Variants in MITF observed in about 807,000 individuals in gnomAD.
MITF encodes the protein melanocyte inducing transcription factor.
MITF carries 17 observed loss-of-function variants against 60.5 expected under a neutral mutation model. The observed-to-expected ratio is 0.28, with a 90% CI of 0.19 to 0.42. The LOEUF (loss-of-function observed/expected upper bound fraction) is 0.42, where lower values mean the gene tolerates loss of function less well. Among genes scored for constraint, MITF ranks in the 10% least tolerant of loss-of-function variants. The pLI, the probability that MITF is intolerant of heterozygous loss-of-function variation, is 1.00. For synonymous variants in MITF, 260 were observed against 248.5 expected (o/e 1.05, Z -0.43); for missense variants, 622 against 683.5 (o/e 0.91, Z 1.00).
At chr3:69,919,235 A>G (rs182391892) in intron 2 of MITF, among the ~76,000 whole-genome samples, 1 of 152,354 alleles carries the variant, frequency 6.6e-6, no homozygotes, top group Admixed American at 6.5e-5. Context: ...CCATTTTGCT[A>G]AAAGTAAGAG....
chr3:69,938,354 T>C, intron 3 of MITF: 2 of 1,571,828 alleles, frequency 1.3e-6, no homozygotes, highest in Non-Finnish European at 8.6e-7. Flanking sequence ...CCTTTCAGTT[T>C]ATGAAGCAGT....
intron 1 of MITF, among the ~76,000 whole-genome samples, chr3:69,860,529 C>T (rs1187175135): frequency 2.2e-5 from 3 of 138,374 alleles, no homozygotes; most frequent in Non-Finnish European, 3.0e-5. Context: ...ACCCGGAAGG[C>T]GGAGCTTGCA....
intron 1 of MITF, among the ~76,000 whole-genome samples, chr3:69,835,239 A>G (rs2063523170): frequency 6.6e-6 from 1 of 152,050 alleles, no homozygotes; most frequent in African/African-American, 2.4e-5. Flanking sequence ...ACTGGTCTCA[A>G]ACACCTGGGC....
chr3:69,789,810 C>T (rs890560293), intron 1 of MITF, among the ~76,000 whole-genome samples: 3 of 152,058 alleles, frequency 2.0e-5, no homozygotes, highest in African/African-American at 7.2e-5. Flanking sequence ...GAATGGAGAT[C>T]GCACCACTGC....
chr3:69,754,374 G>T (rs1041516335), intron 1 of MITF, among the ~76,000 whole-genome samples: 1 of 152,042 alleles, frequency 6.6e-6, no homozygotes, highest in Non-Finnish European at 1.5e-5. Flanking sequence ...ATACCAACAC[G>T]CCATGTTGGC....
chr3:69,855,117 T>A (rs1476827514), intron 1 of MITF, among the ~76,000 whole-genome samples: 1 of 151,908 alleles, frequency 6.6e-6, no homozygotes, highest in African/African-American at 2.4e-5. Flanking sequence ...GGACTACTTT[T>A]CTGCTCTCAT....
At chr3:69,741,522 G>C (rs1703528947) in intron 1 of MITF, among the ~76,000 whole-genome samples, 1 of 152,160 alleles carries the variant, frequency 6.6e-6, no homozygotes, top group Admixed American at 6.5e-5. Context: ...TTCTTTTTCA[G>C]AGTCAGCAAA....
intron 1 of MITF, among the ~76,000 whole-genome samples, chr3:69,852,708 A>G (rs970100232): frequency 5.3e-5 from 8 of 152,178 alleles, no homozygotes; most frequent in Admixed American, 5.2e-4. Context: ...AGGCATGCAC[A>G]TGTTCAGCTT....
chr3:69,885,901 A>T (rs9837171), intron 2 of MITF, among the ~76,000 whole-genome samples: 3,877 of 152,186 alleles, frequency 0.025, 150 homozygotes, highest in African/African-American at 0.086. Flanking sequence ...ATGATCAGCA[A>T]GTGCCAGCAT....
At chr3:69,957,127 C>A (rs1203419694) in intron 8 of MITF, among the ~76,000 whole-genome samples, 1 of 152,132 alleles carries the variant, frequency 6.6e-6, no homozygotes, top group Non-Finnish European at 1.5e-5. Context: ...CACCCTGTCC[C>A]CTTCAGAGAT....
intron 1 of MITF, chr3:69,866,208 C>T: frequency 2.5e-6 from 4 of 1,597,000 alleles, no homozygotes; most frequent in African/African-American, 1.4e-5. Context: ...CAGGAGCCAC[C>T]CCTAGTGACA....
rs1575796012 is a variant in MITF, at chr3:69,838,373, C to T, written c.105-40761C>T. Among the ~76,000 whole-genome samples the T allele has an allele frequency of 2.6e-5, 4 of 151,096 alleles. No homozygotes were observed. In the South Asian group the frequency reaches 8.4e-4, roughly 32 times the overall value. Reference sequence around the variant, plus strand: ...TTGCTAAAAAAAAAAAAAATAGAGGCACACAAAAATGTGATGAGTAAATGA... The same window carrying T: ...TTGCTAAAAAAAAAAAAAATAGAGGTACACAAAAATGTGATGAGTAAATGA... On this transcript the variant is annotated intron_variant, in intron 1 of 9. Coordinates refer to ENST00000352241, the MANE Select transcript of MITF (RefSeq NM_001354604.2).
Position 69,856,707 on chromosome 3 carries a change from A to G in MITF, c.105-22427A>G, listed in dbSNP as rs972002094. Among the ~76,000 whole-genome samples the G allele has an allele frequency of 5.9e-5, 9 of 152,204 alleles. No homozygotes were observed. In the South Asian group the frequency reaches 6.2e-4, roughly 11 times the overall value. ...CCCTAGAAAGCCTTTTTGAAAAATT[A>G]TTTCCTTTTTTGAGAACTTTCTTCT... is the stretch of plus-strand genomic sequence containing the variant. On this transcript the variant is annotated intron_variant, in intron 1 of 9. Transcript: ENST00000352241.
At chr3:69,933,907 G>T (rs1192858095) in intron 2 of MITF, among the ~76,000 whole-genome samples, 1 of 152,132 alleles carries the variant, frequency 6.6e-6, no homozygotes, top group East Asian at 1.9e-4. Flanking sequence ...TATGAATTAG[G>T]GTGGCTGAAG....
rs945830782 is a variant in MITF at position 69,875,942 on chromosome 3, G to A, written c.105-3192G>A. ...TTTGCACTTTTGGGTTTTTTTGCAG[G>A]AAGATTTATTAAAACACTGTCAATT... On this transcript the variant is annotated intron_variant, in intron 1 of 9. Coordinates refer to ENST00000352241, the MANE Select transcript of MITF (RefSeq NM_001354604.2). Among the ~76,000 whole-genome samples the A allele has an allele frequency of 3.9e-5, 6 of 152,282 alleles. No individual in the cohort carries two copies. The South Asian group carries it at 1.0e-3, about 26-fold the overall frequency.
At chr3:69,743,620 A>G (rs1703614086) in intron 1 of MITF, among the ~76,000 whole-genome samples, 1 of 152,176 alleles carries the variant, frequency 6.6e-6, no homozygotes, top group Admixed American at 6.5e-5. Flanking sequence ...TGCTGTGGGA[A>G]AAGGTTCCAA....
chr3:69,792,455 T>C (rs1391210956), intron 1 of MITF, among the ~76,000 whole-genome samples: 1 of 152,012 alleles, frequency 6.6e-6, no homozygotes, highest in African/African-American at 2.4e-5. Flanking sequence ...TATGATTTTT[T>C]TTTTAAATTC....
chr3:69,880,263 A>G (rs1400613671), intron 2 of MITF, among the ~76,000 whole-genome samples: 3 of 152,174 alleles, frequency 2.0e-5, no homozygotes, highest in Non-Finnish European at 4.4e-5. Context: ...GCATTCATCC[A>G]TGTGCACAGA....
intron 1 of MITF, among the ~76,000 whole-genome samples, chr3:69,842,254 T>C (rs1268760227): frequency 6.6e-6 from 1 of 151,992 alleles, no homozygotes; most frequent in Non-Finnish European, 1.5e-5. Context: ...CAACACACGA[T>C]GTATAGGAAA....
Sources: allele counts gnomAD v4.1 joint callset (sites outside exome capture counted in the v4.1 genomes callset), GRCh38; gene constraint gnomAD v4.1.1; transcripts MANE v1.5; gene names NCBI Gene and HGNC (gene_info 2026-07-23, HGNC 2026-07-21).